RALYL: variants seen among roughly 807,000 people sequenced by gnomAD.
RALYL encodes RALY RNA binding protein like.
RALYL carries 29 observed loss-of-function variants against 35.1 expected under a neutral mutation model. That is an observed-to-expected ratio of 0.83 (90% confidence interval 0.61 to 1.13). The LOEUF is 1.13. Among genes scored for constraint, RALYL ranks in the 50% most tolerant of loss-of-function variants. The pLI, the probability that RALYL is intolerant of heterozygous loss-of-function variation, is 0.00. For synonymous variants in RALYL, 120 were observed against 127.6 expected, an observed-to-expected ratio of 0.94 and a Z score of 0.40; for missense variants, 359 against 360.4, an observed-to-expected ratio of 1.00 and a Z score of 0.03.
intron 3 of RALYL, among the ~76,000 whole-genome samples, chr8:84,778,989 TAAAATAGCACTTGCAATA>T (rs1817487125): frequency 6.6e-6 from 1 of 152,330 alleles, no homozygotes; most frequent in East Asian, 1.9e-4. Context: ...GACAATTCAT[TAAAATAGCACTTGCAATA>T]AAAATGTCTC....
intron 2 of RALYL, among the ~76,000 whole-genome samples, chr8:84,649,722 C>G (rs1364059396): frequency 3.3e-5 from 5 of 151,976 alleles, no homozygotes; most frequent in Non-Finnish European, 7.4e-5. Flanking sequence ...TGTGATGCCT[C>G]CAGCTTTGTT....
intron 2 of RALYL, among the ~76,000 whole-genome samples, chr8:84,744,527 T>C (rs1808152713): frequency 6.6e-6 from 1 of 151,972 alleles, no homozygotes; most frequent in Non-Finnish European, 1.5e-5. Flanking sequence ...TTCTTGACCT[T>C]TGTGGGAAAC....
At chr8:84,490,222 A>T (rs969357615) in intron 1 of RALYL, among the ~76,000 whole-genome samples, 1 of 151,522 alleles carries the variant, frequency 6.6e-6, no homozygotes, top group African/African-American at 2.4e-5. Context: ...CTTTCATCTC[A>T]CCCTGCCCAT....
chr8:84,690,272 C>T lies in RALYL; in HGVS notation c.257-84307C>T, dbSNP rs537578149. ...AGGACATGATGCTAAATTAAATAAG[C>T]GAGGCACAGAAAGACAAATACTACA... On this transcript the variant is annotated intron_variant, in intron 2 of 8. Coordinates refer to ENST00000521268, the MANE Select transcript of RALYL (RefSeq NM_173848.7). 5.3e-5 allele frequency among the ~76,000 whole-genome samples: 8 copies of T among 152,048 alleles called. No homozygotes were observed. The East Asian group carries it at 5.8e-4, about 11-fold the overall frequency.
intron 7 of RALYL, among the ~76,000 whole-genome samples, chr8:84,885,132 G>A (rs1842750019): frequency 6.6e-6 from 1 of 151,980 alleles, no homozygotes. Flanking sequence ...GTGTATGTGG[G>A]TTAACCTAGG....
At chr8:84,828,113 T>C (rs1204066780) in intron 4 of RALYL, among the ~76,000 whole-genome samples, 1 of 152,182 alleles carries the variant, frequency 6.6e-6, no homozygotes, top group East Asian at 1.9e-4. Context: ...TTATACAATT[T>C]AATATGTGGG....
chr8:84,678,033 T>C lies in RALYL; in HGVS notation c.257-96546T>C, dbSNP rs185808180. 7.2e-4 allele frequency among the ~76,000 whole-genome samples: 109 copies of C among 152,292 alleles called. 1 individual carries two copies. The highest frequency in any genetic ancestry group is 5.5e-3 in the Admixed American group (84 of 15,288). ...GAGTGAAGTCAAGTGATATTACTTT[T>C]CTCTTAAATTACCAACCAATTGAAA... On this transcript the variant is annotated intron_variant, in intron 2 of 8. Transcript: ENST00000521268.
intron 2 of RALYL, among the ~76,000 whole-genome samples, chr8:84,700,358 G>T (rs954076449): frequency 6.6e-6 from 1 of 151,988 alleles, no homozygotes; most frequent in Non-Finnish European, 1.5e-5. Flanking sequence ...TGACATTAAT[G>T]CATAGGAAAC....
chr8:84,256,203 C>G (rs1831183973), intron 1 of RALYL, among the ~76,000 whole-genome samples: 1 of 152,014 alleles, frequency 6.6e-6, no homozygotes, highest in Admixed American at 6.6e-5. Flanking sequence ...AGTTTTGAGT[C>G]TTAATATAAA....
Position 84,792,336 on chromosome 8 carries a change from C to A in RALYL, c.333-12434C>A, listed in dbSNP as rs1586297005. On this transcript the variant is annotated intron_variant, in intron 3 of 8. Transcript: ENST00000521268. ...ATGATCTTCCCCTGGAGTTTGGCCA[C>A]CCAGCGGCCAATCTCCTTTCCAACT... Among the ~76,000 whole-genome samples the A allele has an allele frequency of 2.0e-5, 3 of 152,188 alleles. 1 individual carries two copies. In the South Asian group the frequency reaches 6.2e-4, roughly 32 times the overall value.
intron 1 of RALYL, among the ~76,000 whole-genome samples, chr8:84,443,155 T>C (rs932610480): frequency 2.0e-5 from 3 of 152,094 alleles, no homozygotes; most frequent in African/African-American, 7.2e-5. Flanking sequence ...TATTGCCTAC[T>C]TTACAGAAGA....
rs76885544 is a variant in RALYL at position 84,372,886 on chromosome 8, G to GTTTTTTTTT, written c.-23-156392_-23-156384dup. ...TTTCTCCACAACCATGCCAGCATCT[G>GTTTTTTTTT]TTTTTTTTTTTTTTTTTTTTTTTTT... On this transcript the variant is annotated intron_variant, in intron 1 of 8. Transcript: ENST00000521268. 3.7e-3 allele frequency among the ~76,000 whole-genome samples: 145 copies of GTTTTTTTTT among 39,074 alleles called. 17 individuals carry two copies. Among genetic ancestry groups the GTTTTTTTTT allele is most frequent in the African/African-American group, 4.9e-3 (45 of 9,126 alleles). 25.6% of individuals were successfully genotyped at this position (39,074 alleles called of 152,430 possible).
intron 2 of RALYL, among the ~76,000 whole-genome samples, chr8:84,588,820 C>A (rs1415033323): frequency 6.6e-6 from 1 of 152,106 alleles, no homozygotes; most frequent in East Asian, 1.9e-4. Context: ...TATTAAATGT[C>A]CCCAAGACTG....
At chr8:84,231,702 A>G (rs1825398878) in intron 1 of RALYL, among the ~76,000 whole-genome samples, 1 of 152,238 alleles carries the variant, frequency 6.6e-6, no homozygotes, top group Admixed American at 6.5e-5. Flanking sequence ...ACATGTTTAC[A>G]TCTGCAAATA....
At chr8:84,390,690 C>T (rs1000969497) in intron 1 of RALYL, among the ~76,000 whole-genome samples, 1 of 151,814 alleles carries the variant, frequency 6.6e-6, no homozygotes, top group African/African-American at 2.4e-5. Context: ...GTGGTGATAT[C>T]CCCTTTATCA....
chr8:84,518,913 C>T (rs1029347223), intron 1 of RALYL, among the ~76,000 whole-genome samples: 4 of 152,110 alleles, frequency 2.6e-5, no homozygotes, highest in African/African-American at 9.7e-5. Flanking sequence ...CTCCTGTGGG[C>T]ATGACAATGT....
At chr8:84,663,992 G>A (rs1831420968) in intron 2 of RALYL, among the ~76,000 whole-genome samples, 1 of 152,020 alleles carries the variant, frequency 6.6e-6, no homozygotes, top group Non-Finnish European at 1.5e-5. Flanking sequence ...TGATTTTCGT[G>A]TATGGTGTAA....
At chr8:84,704,995 T>A (rs544711151) in intron 2 of RALYL, among the ~76,000 whole-genome samples, 1 of 152,180 alleles carries the variant, frequency 6.6e-6, no homozygotes, top group Non-Finnish European at 1.5e-5. Context: ...GGAAGTCTTA[T>A]GACATAGAAA....
rs1456104298 is a variant in RALYL at position 84,422,912 on chromosome 8, GAT to G, written c.-23-106385_-23-106384del. ...AGTTTGATTGCACTGTGGTCTGAGA[GAT>G]AGTTTGTTATAATTTCTGTTCTTTT... On this transcript the variant is annotated intron_variant, in intron 1 of 8. Transcript: ENST00000521268. Among the ~76,000 whole-genome samples, 1,097 of 148,192 alleles carry G rather than the reference GAT, an allele frequency of 7.4e-3. 8 individuals are homozygous for G. Among genetic ancestry groups the G allele is most frequent in the African/African-American group, 0.025 (1,015 of 39,988 alleles).
Sources: gnomAD v4.1 joint callset for allele counts (sites outside exome capture counted in the v4.1 genomes callset) on GRCh38, gnomAD v4.1.1 for gene constraint, MANE v1.5 for transcripts, NCBI Gene and HGNC (gene_info 2026-07-23, HGNC 2026-07-21) for gene names.